The following DRC10 variants were observed in gnomAD, a reference collection of about 807,000 sequenced individuals.
DRC10 encodes the protein IQ domain-containing protein D.
chr12:113,202,147 C>G, the DRC10 span, among the ~76,000 whole-genome samples: 1 of 152,220 alleles, frequency 6.6e-6, no homozygotes, highest in Admixed American at 6.5e-5. Context: ...GCAGCTGGTC[C>G]TCTGTCCACT....
chr12:113,195,660 G>A, the DRC10 span: 1 of 1,613,160 alleles, frequency 6.2e-7, no homozygotes. Context: ...CTTCTTCTTG[G>A]ATCTGAGCAG....
At chr12:113,203,510 C>G in the DRC10 span, among the ~76,000 whole-genome samples, 8 of 142,380 alleles carry the variant, frequency 5.6e-5, no homozygotes, top group Non-Finnish European at 1.2e-4. Context: ...GAGTCTCACT[C>G]TGTCGCACAG....
chr12:113,200,296 G>A, the DRC10 span: 4 of 587,478 alleles, frequency 6.8e-6, no homozygotes, highest in Non-Finnish European at 1.3e-5. Flanking sequence ...TGAGGAACTT[G>A]CCCAAGGTCA....
At chr12:113,197,760 A>G in the DRC10 span, 1 of 638,234 alleles carries the variant, frequency 1.6e-6, no homozygotes, top group South Asian at 1.8e-5. Flanking sequence ...TTCACAGGGG[A>G]GAGAACTGAG....
At chr12:113,205,716 C>G in the DRC10 span, among the ~76,000 whole-genome samples, 1 of 148,704 alleles carries the variant, frequency 6.7e-6, no homozygotes, top group Non-Finnish European at 1.5e-5. Flanking sequence ...GGTGAAACCC[C>G]GTCTCTACTA....
the DRC10 span, chr12:113,195,854 C>T: frequency 6.2e-7 from 1 of 1,613,156 alleles, no homozygotes; most frequent in Non-Finnish European, 8.5e-7. Context: ...AGATCTTCTC[C>T]TCCCTGTGAA....
the DRC10 span, among the ~76,000 whole-genome samples, chr12:113,210,064 A>G: frequency 1.3e-5 from 2 of 152,250 alleles, no homozygotes; most frequent in Admixed American, 1.3e-4. Context: ...TGAACCTAGG[A>G]GGCGGAGGTT....
chr12:113,207,948 T>G, the DRC10 span: 1 of 1,614,232 alleles, frequency 6.2e-7, no homozygotes, highest in East Asian at 2.2e-5. Context: ...CTCTGTTGGA[T>G]GCCACATACG....
chr12:113,210,735 C>G, the DRC10 span, among the ~76,000 whole-genome samples: 1 of 151,408 alleles, frequency 6.6e-6, no homozygotes, highest in East Asian at 1.9e-4. Flanking sequence ...CATCTCTTCC[C>G]CCTTATCCTG....
At chr12:113,211,638 C>CAA in the DRC10 span, among the ~76,000 whole-genome samples, 5 of 151,580 alleles carry the variant, frequency 3.3e-5, no homozygotes, top group African/African-American at 7.3e-5. Context: ...CTTAAAAAAA[C>CAA]AAAAAAACAA....
chr12:113,201,255 A>G, the DRC10 span, among the ~76,000 whole-genome samples: 1 of 152,116 alleles, frequency 6.6e-6, no homozygotes, highest in Non-Finnish European at 1.5e-5. Context: ...CACACCCCCA[A>G]CCCCACAATG....
chr12:113,218,861 G>A, the DRC10 span, among the ~76,000 whole-genome samples: 1 of 152,178 alleles, frequency 6.6e-6, no homozygotes, highest in Admixed American at 6.5e-5. Context: ...AATATCATGA[G>A]TTATTTATTT....
chr12:113,196,372 C>G, the DRC10 span, among the ~76,000 whole-genome samples: 1 of 152,184 alleles, frequency 6.6e-6, no homozygotes, highest in Non-Finnish European at 1.5e-5. Context: ...GGAGAAGGAA[C>G]TTTCTCAGGC....
the DRC10 span, chr12:113,207,293 A>G: frequency 1.3e-6 from 1 of 749,980 alleles, no homozygotes; most frequent in Non-Finnish European, 2.4e-6. Flanking sequence ...GGTTGCAGTG[A>G]GTCGAGATTA....
At chr12:113,214,480 C>G in the DRC10 span, among the ~76,000 whole-genome samples, 1 of 145,964 alleles carries the variant, frequency 6.9e-6, no homozygotes, top group African/African-American at 2.5e-5. Flanking sequence ...CACACTCCAG[C>G]CTGGGTGACA....
the DRC10 span, among the ~76,000 whole-genome samples, chr12:113,198,997 G>C: frequency 6.6e-6 from 1 of 152,088 alleles, no homozygotes; most frequent in Non-Finnish European, 1.5e-5. Context: ...GAGTGCAGTG[G>C]TGTGATCTCG....
chr12:113,211,779 T>C, the DRC10 span, among the ~76,000 whole-genome samples: 2 of 152,000 alleles, frequency 1.3e-5, no homozygotes, highest in African/African-American at 4.8e-5. Context: ...GACAAAGTTT[T>C]AGGAGGCTGG....
the DRC10 span, among the ~76,000 whole-genome samples, chr12:113,217,421 A>G: frequency 6.6e-6 from 1 of 152,188 alleles, no homozygotes; most frequent in Non-Finnish European, 1.5e-5. Flanking sequence ...TTGTAAATGT[A>G]TCTGAAGTTG....
the DRC10 span, chr12:113,200,378 C>T: frequency 1.4e-6 from 1 of 695,104 alleles, no homozygotes; most frequent in South Asian, 1.5e-5. Context: ...TGTGCTGCCC[C>T]TTCCTGCCTC....
Sources: gnomAD v4.1 joint callset for allele counts (sites outside exome capture counted in the v4.1 genomes callset) on GRCh38, gnomAD v4.1.1 for gene constraint, MANE v1.5 for transcripts, NCBI Gene and HGNC (gene_info 2026-07-23, HGNC 2026-07-21) for gene names.